MCTP1: variants seen among roughly 807,000 people sequenced by gnomAD.
MCTP1 encodes the protein multiple C2 and transmembrane domain containing 1.
In MCTP1, 69 loss-of-function variants were observed where a neutral mutation model predicts 120.6. The observed-to-expected ratio is 0.57, with a 90% CI of 0.47 to 0.70. The LOEUF is 0.70. Ranked by LOEUF, MCTP1 falls within the 30% of genes least tolerant of loss-of-function variation. The pLI, the probability that MCTP1 is intolerant of heterozygous loss-of-function variation, is 0.00. For synonymous variants in MCTP1, 529 were observed against 493.1 expected, an observed-to-expected ratio of 1.07 and a Z score of -0.96; for missense variants, 1,203 against 1,248.8, an observed-to-expected ratio of 0.96 and a Z score of 0.55.
At chr5:94,918,348 G>A (rs1430448075) in intron 7 of MCTP1, among the ~76,000 whole-genome samples, 3 of 152,160 alleles carry the variant, frequency 2.0e-5, no homozygotes, top group African/African-American at 4.8e-5. Context: ...GCTTCAAAAT[G>A]TCAGAATAGT....
intron 3 of MCTP1, among the ~76,000 whole-genome samples, chr5:94,950,386 T>A (rs1432415801): frequency 2.0e-5 from 3 of 151,864 alleles, no homozygotes; most frequent in Admixed American, 1.3e-4. Flanking sequence ...CAAAGTGATT[T>A]AAAAAAAACC....
chr5:95,141,115 A>G (rs1204738972), intron 1 of MCTP1, among the ~76,000 whole-genome samples: 1 of 152,122 alleles, frequency 6.6e-6, no homozygotes, highest in Non-Finnish European at 1.5e-5. Flanking sequence ...AGACGGGGTT[A>G]TACTGATTTG....
chr5:95,174,603 T>G (rs970769906), intron 1 of MCTP1, among the ~76,000 whole-genome samples: 1 of 152,200 alleles, frequency 6.6e-6, no homozygotes, highest in African/African-American at 2.4e-5. Context: ...CCCTACTTAC[T>G]AGGTGTGTGA....
chr5:95,032,134 A>T (rs1305860157), intron 1 of MCTP1, among the ~76,000 whole-genome samples: 1 of 152,256 alleles, frequency 6.6e-6, no homozygotes, highest in East Asian at 1.9e-4. Context: ...CAGCCATACA[A>T]TAATAGTAGG....
intron 18 of MCTP1, among the ~76,000 whole-genome samples, chr5:94,786,857 TTA>T (rs1182382698): frequency 2.0e-5 from 3 of 152,226 alleles, no homozygotes; most frequent in Admixed American, 6.5e-5. Context: ...AATATTAAAA[TTA>T]TGTTTCTGAT....
At chr5:94,810,965 A>G (rs1783290014) in intron 17 of MCTP1, among the ~76,000 whole-genome samples, 1 of 152,166 alleles carries the variant, frequency 6.6e-6, no homozygotes, top group Non-Finnish European at 1.5e-5. Flanking sequence ...AGACCTAATA[A>G]TATCATACAT....
chr5:95,256,083 A>G (rs2152707335), intron 1 of MCTP1, among the ~76,000 whole-genome samples: 1 of 152,278 alleles, frequency 6.6e-6, no homozygotes, highest in South Asian at 2.1e-4. Flanking sequence ...AACGGGGAGA[A>G]CCCTAGCTTG....
intron 1 of MCTP1, among the ~76,000 whole-genome samples, chr5:95,091,057 T>C (rs146941084): frequency 1.0e-3 from 157 of 152,242 alleles, no homozygotes; most frequent in Non-Finnish European, 1.8e-3. Context: ...CTGGAGATGC[T>C]CCTGGTACCT....
chr5:94,819,856 A>G (rs902245381), intron 17 of MCTP1, among the ~76,000 whole-genome samples: 52 of 152,220 alleles, frequency 3.4e-4, no homozygotes, highest in African/African-American at 1.3e-3. Flanking sequence ...TCATTCTGGA[A>G]CTTTTCAAGA....
At chr5:95,272,286 T>C (rs931150373) in intron 1 of MCTP1, among the ~76,000 whole-genome samples, 7 of 152,176 alleles carry the variant, frequency 4.6e-5, no homozygotes, top group African/African-American at 1.7e-4. Flanking sequence ...AATAAAAAAA[T>C]TGCCTGATTG....
chr5:95,094,778 C>T (rs1045499853), intron 1 of MCTP1, among the ~76,000 whole-genome samples: 2 of 152,078 alleles, frequency 1.3e-5, no homozygotes, highest in Non-Finnish European at 2.9e-5. Context: ...AAGCAATTCT[C>T]ATTTATCCTG....
chr5:95,129,745 C>G (rs1026209960), intron 1 of MCTP1, among the ~76,000 whole-genome samples: 5 of 152,212 alleles, frequency 3.3e-5, no homozygotes, highest in Admixed American at 3.3e-4. Flanking sequence ...CTGCAACCTC[C>G]GCCTTCTGGG....
At chr5:94,926,236 T>C (rs1470933327) in intron 6 of MCTP1, among the ~76,000 whole-genome samples, 1 of 152,166 alleles carries the variant, frequency 6.6e-6, no homozygotes, top group African/African-American at 2.4e-5. Context: ...TATTACAAAC[T>C]CAAAACCTTC....
chr5:95,239,323 T>A (rs1238192746), intron 1 of MCTP1, among the ~76,000 whole-genome samples: 2 of 152,214 alleles, frequency 1.3e-5, no homozygotes, highest in Admixed American at 1.3e-4. Context: ...CAGTGATCAT[T>A]GTCCGAGCAC....
chr5:94,715,666 CA>C (rs1230056964), intron 19 of MCTP1, among the ~76,000 whole-genome samples: 8 of 152,110 alleles, frequency 5.3e-5, no homozygotes, highest in Admixed American at 5.2e-4. Context: ...GAGAAATGTG[CA>C]TATTTTGCAA....
At chr5:94,947,990 T>C (rs927353022) in intron 3 of MCTP1, among the ~76,000 whole-genome samples, 15 of 152,084 alleles carry the variant, frequency 9.9e-5, no homozygotes, top group Non-Finnish European at 1.5e-5. Context: ...ATCTAAGATA[T>C]AAGATCCTAC....
At chr5:94,797,938 G>T (rs1478641364) in intron 18 of MCTP1, among the ~76,000 whole-genome samples, 1 of 151,968 alleles carries the variant, frequency 6.6e-6, no homozygotes. Flanking sequence ...TACATTGAAG[G>T]TATGTATGCA....
At chr5:94,831,633 T>A (rs144525899) in intron 17 of MCTP1, among the ~76,000 whole-genome samples, 1,589 of 152,276 alleles carry the variant, frequency 0.01, 10 homozygotes, top group Middle Eastern at 0.017. Context: ...CAGGGTCCAT[T>A]TTTAGGAGTC....
chr5:95,233,295 C>A (rs923683462), intron 1 of MCTP1, among the ~76,000 whole-genome samples: 3 of 151,704 alleles, frequency 2.0e-5, no homozygotes, highest in Non-Finnish European at 4.4e-5. Context: ...TCTCTTGAAA[C>A]TCCTGAATAT....
Sources: allele counts gnomAD v4.1 joint callset (sites outside exome capture counted in the v4.1 genomes callset), GRCh38; gene constraint gnomAD v4.1.1; transcripts MANE v1.5; gene names NCBI Gene and HGNC (gene_info 2026-07-23, HGNC 2026-07-21).